IRAG1: variants seen among roughly 807,000 people sequenced by gnomAD.
IRAG1 encodes inositol 1,4,5-triphosphate receptor associated 1, also known as IP3R-associated cGMP kinase substrate.
IRAG1 carries 62 observed loss-of-function variants against 106.2 expected under a neutral mutation model. The observed-to-expected ratio is 0.58, with a 90% CI of 0.48 to 0.72. The LOEUF is 0.72. Among genes scored for constraint, IRAG1 ranks in the 30% least tolerant of loss-of-function variants. The pLI is 0.00. For synonymous variants in IRAG1, 462 were observed against 443.9 expected, an observed-to-expected ratio of 1.04 and a Z score of -0.51; for missense variants, 1,064 against 1,140.7, an observed-to-expected ratio of 0.93 and a Z score of 0.97.
At chr11:10,673,968 C>T (rs577422898) in intron 1 of IRAG1, among the ~76,000 whole-genome samples, 72 of 152,180 alleles carry the variant, frequency 4.7e-4, no homozygotes, top group African/African-American at 1.6e-3. Context: ...GACAGGGACA[C>T]GGGCTCAGAG....
intron 14 of IRAG1, among the ~76,000 whole-genome samples, chr11:10,602,300 A>G (rs1465529832): frequency 3.3e-5 from 5 of 152,232 alleles, no homozygotes; most frequent in African/African-American, 9.6e-5. Context: ...ACATAGATTC[A>G]TGTCATAGCA....
At chr11:10,602,328 A>G (rs1854100649) in intron 14 of IRAG1, among the ~76,000 whole-genome samples, 1 of 152,226 alleles carries the variant, frequency 6.6e-6, no homozygotes, top group African/African-American at 2.4e-5. Flanking sequence ...AACAACATCC[A>G]AATGCTTTAC....
rs1856476256 is a variant in IRAG1, at chr11:10,628,867, G to A, written c.575-39C>T. 3 of 1,541,272 alleles carry A rather than the reference G, an allele frequency of 1.9e-6. No homozygotes were observed. Among genetic ancestry groups the A allele is most frequent in the East Asian group, 2.5e-5 (1 of 40,270 alleles). Reference sequence around the variant, plus strand: ...CACAAATTGGCTGGCATTCATGAAGGTTTAGGACTTCAACCTGGCAAAGGC... The same window carrying A: ...CACAAATTGGCTGGCATTCATGAAGATTTAGGACTTCAACCTGGCAAAGGC... On this transcript the variant is annotated intron_variant, in intron 5 of 20. Transcript: ENST00000423302. This position sits in a 1 kb window ranked among gnomAD's most constrained non-coding sequence, Gnocchi z 4.1.
chr11:10,584,343 G>A (rs1020229186), intron 18 of IRAG1, among the ~76,000 whole-genome samples: 1 of 151,902 alleles, frequency 6.6e-6, no homozygotes, highest in Non-Finnish European at 1.5e-5. Flanking sequence ...TAGTCAGGCT[G>A]GAAACCACAA....
intron 10 of IRAG1, among the ~76,000 whole-genome samples, chr11:10,619,346 T>A (rs780776718): frequency 9.2e-5 from 14 of 152,200 alleles, no homozygotes; most frequent in Non-Finnish European, 1.6e-4. Flanking sequence ...ACAACCATCA[T>A]AAGAGACTGG....
intron 1 of IRAG1, among the ~76,000 whole-genome samples, chr11:10,676,050 T>C (rs769012036): frequency 2.0e-5 from 3 of 152,214 alleles, no homozygotes; most frequent in Non-Finnish European, 4.4e-5. Context: ...TAAATGCAGT[T>C]TGGGAATCTC....
chr11:10,627,123 T>G (rs1485660464), intron 8 of IRAG1, among the ~76,000 whole-genome samples: 1 of 152,174 alleles, frequency 6.6e-6, no homozygotes, highest in African/African-American at 2.4e-5. Context: ...TTAGTTTACT[T>G]TGTTCATTCC....
intron 18 of IRAG1, chr11:10,586,086 C>T (rs184859739): frequency 6.6e-6 from 1 of 152,298 alleles, no homozygotes; most frequent in East Asian, 1.9e-4. Context: ...TGGACCATGG[C>T]TTCCATGCTG....
chr11:10,686,720 A>G (rs716381), intron 1 of IRAG1, among the ~76,000 whole-genome samples: 35,227 of 151,932 alleles, frequency 0.23, 5,126 homozygotes, highest in East Asian at 0.76. Context: ...TGGTGGTCTG[A>G]TGGTTTTGGT....
At chr11:10,599,577 A>G (rs1254477633) in intron 15 of IRAG1, 1 of 152,170 alleles carries the variant, frequency 6.6e-6, no homozygotes, top group African/African-American at 2.4e-5. Flanking sequence ...CATGTCACTG[A>G]TATTCTCCAG....
chr11:10,627,073 G>A (rs1250982796), intron 8 of IRAG1, among the ~76,000 whole-genome samples: 1 of 152,168 alleles, frequency 6.6e-6, no homozygotes, highest in African/African-American at 2.4e-5. Flanking sequence ...TCTTGCAAAG[G>A]TGATGTCTTC....
At position 10,603,289 on chromosome 11, in the gene IRAG1, T is replaced by G. The variant is rs757281331; in HGVS notation, c.1744-38A>C. ...AGGAGCATCACCTGGGGTCCTCAAA[T>G]AATGTTATGGACTAAATCAGCAGTC... On this transcript the variant is annotated intron_variant, in intron 13 of 20. Transcript: ENST00000423302. 2.7e-5 allele frequency: 43 copies of G among 1,608,256 alleles called. No individual in the cohort carries two copies. The South Asian group carries it at 4.6e-4, about 17-fold the overall frequency.
At chr11:10,629,789 ATC>A in intron 4 of IRAG1, 78 bp from the exon 5 acceptor site, 1 of 1,466,766 alleles carries the variant, frequency 6.8e-7, no homozygotes, top group African/African-American at 1.4e-5. Context: ...ACCATGCCTC[ATC>A]CCAGGGACTC....
At chr11:10,667,932 T>C (rs997417817) in intron 1 of IRAG1, among the ~76,000 whole-genome samples, 1 of 152,246 alleles carries the variant, frequency 6.6e-6, no homozygotes, top group South Asian at 2.1e-4. Context: ...TCCAGTTTCC[T>C]GGGCACTCAT....
intron 1 of IRAG1, among the ~76,000 whole-genome samples, chr11:10,656,254 C>T (rs1054852186): frequency 4.6e-5 from 7 of 152,216 alleles, no homozygotes; most frequent in Non-Finnish European, 8.8e-5. Flanking sequence ...GCTGCCTCTC[C>T]AGTCTGGTTC....
chr11:10,581,808 T>C, intron 19 of IRAG1, 59 bp downstream of exon 19: 1 of 1,585,270 alleles, frequency 6.3e-7, no homozygotes. Context: ...GAAAGACCCA[T>C]GGGAAGGCAT....
At chr11:10,662,513 A>G (rs7947953) in intron 1 of IRAG1, among the ~76,000 whole-genome samples, 102,817 of 152,152 alleles carry the variant, frequency 0.68, 35,657 homozygotes, top group East Asian at 0.97. Flanking sequence ...TGCAAAGTGA[A>G]TTTTCAGATT....
intron 1 of IRAG1, among the ~76,000 whole-genome samples, chr11:10,661,662 C>A (rs1859412992): frequency 6.6e-6 from 1 of 152,146 alleles, no homozygotes; most frequent in Admixed American, 6.5e-5. Flanking sequence ...CCCCTCTGAT[C>A]TCTGCTTCCC....
intron 1 of IRAG1, among the ~76,000 whole-genome samples, chr11:10,692,614 G>A (rs1862144486): frequency 6.6e-6 from 1 of 152,172 alleles, no homozygotes; most frequent in Non-Finnish European, 1.5e-5. Flanking sequence ...CCCTGCAAAA[G>A]ACTCTGCTCA....
Sources: allele counts gnomAD v4.1 joint callset (sites outside exome capture counted in the v4.1 genomes callset), GRCh38; gene constraint gnomAD v4.1.1; non-coding constraint Gnocchi (gnomAD v3.1); transcripts MANE v1.5; gene names NCBI Gene and HGNC (gene_info 2026-07-23, HGNC 2026-07-21).